Variants in IKZF1 observed in about 807,000 individuals in gnomAD.
IKZF1 encodes the protein DNA-binding protein Ikaros.
A neutral mutation model predicts 51.7 loss-of-function variants in IKZF1; 10 were observed. The ratio of observed to expected loss-of-function variants is 0.19; its 90% CI spans 0.12 to 0.33. The LOEUF is 0.33. IKZF1 is among the 10% of genes least tolerant of loss of function. The pLI is 1.00. For synonymous variants in IKZF1, 280 were observed against 282.3 expected, an observed-to-expected ratio of 0.99 and a Z score of 0.08; for missense variants, 484 against 707.5, an observed-to-expected ratio of 0.68 and a Z score of 3.58.
At chr7:50,338,953 T>G (rs908021066) in intron 3 of IKZF1, among the ~76,000 whole-genome samples, 2 of 152,226 alleles carry the variant, frequency 1.3e-5, no homozygotes, top group Non-Finnish European at 2.9e-5. Context: ...GAAAGCATGC[T>G]CCGGTGAGCA....
At chr7:50,386,740 T>TA (rs1237850202) in intron 5 of IKZF1, among the ~76,000 whole-genome samples, 3 of 152,166 alleles carry the variant, frequency 2.0e-5, no homozygotes, top group Admixed American at 2.0e-4. Context: ...TATTTTGTAT[T>TA]ATATAATGCA....
rs938738523 is a variant in IKZF1, at chr7:50,364,474, A to G, written c.161-12059A>G. On this transcript the variant is annotated intron_variant, in intron 3 of 7. Coordinates refer to ENST00000331340, the MANE Select transcript of IKZF1 (RefSeq NM_006060.6). ...AAAGTTTGACACCTGTTTTATCTGCATCCTTTTATTAAACAGTGGCCTGAA... is the reference window on the plus strand; with the variant it reads ...AAAGTTTGACACCTGTTTTATCTGCGTCCTTTTATTAAACAGTGGCCTGAA... 7.9e-5 allele frequency among the ~76,000 whole-genome samples: 12 copies of G among 152,246 alleles called. 1 individual carries two copies. In the East Asian group the frequency reaches 9.6e-4, roughly 12 times the overall value.
At chr7:50,316,976 GAT>G (rs1316703012) in intron 1 of IKZF1, among the ~76,000 whole-genome samples, 3 of 152,200 alleles carry the variant, frequency 2.0e-5, no homozygotes, top group Admixed American at 1.3e-4. Flanking sequence ...TAAATAAAAA[GAT>G]ATGTGTGGTA....
rs200931905 is a variant in IKZF1, at chr7:50,321,310, G to GA, written c.40+2216dup. On this transcript the variant is annotated intron_variant, in intron 2 of 7. Coordinates refer to ENST00000331340, the MANE Select transcript of IKZF1 (RefSeq NM_006060.6). The stretch of plus-strand genomic sequence containing the variant: ...CAAAAACAAAAAACGAGTTAAATGG[G>GA]AAAAAAAGCAGTTTAGCTCTTTATA... 4.1e-3 allele frequency among the ~76,000 whole-genome samples: 623 copies of GA among 152,290 alleles called. 6 individuals carry two copies. Among genetic ancestry groups the GA allele is most frequent in the African/African-American group, 0.014 (599 of 41,554 alleles).
chr7:50,387,049 G>A (rs1438640740), intron 5 of IKZF1, among the ~76,000 whole-genome samples: 1 of 152,122 alleles, frequency 6.6e-6, no homozygotes, highest in Non-Finnish European at 1.5e-5. Flanking sequence ...GCAGTGGCTC[G>A]TTTTCTCCAG....
intron 3 of IKZF1, among the ~76,000 whole-genome samples, chr7:50,335,447 G>GTA (rs1409522266): frequency 0.79 from 92,870 of 117,660 alleles, 38,432 homozygotes; most frequent in African/African-American, 0.95. Flanking sequence ...TGTGTGGTGT[G>GTA]TGTGTGGTGT....
In IKZF1 at chr7:50,340,830, T is replaced by G. The variant is rs906815238; in HGVS notation, c.160+13073T>G. Among the ~76,000 whole-genome samples, 695 of 152,382 alleles carry G rather than the reference T, an allele frequency of 4.6e-3. 14 individuals carry two copies. The highest frequency in any genetic ancestry group is 7.7e-3 in the East Asian group (40 of 5,190). On this transcript the variant is annotated intron_variant, in intron 3 of 7. Transcript: ENST00000331340. ...GTAATCCTTAGTGAAATTATTGTTC[T>G]GTAGAGAATGCTGTGATCTAAGTGA...
In IKZF1 at chr7:50,400,571, C is replaced by A; in HGVS notation, c.1504C>A (p.Arg502=). ...CATGTGCGGCTACCACAGCCAGGAC[C>A]GGTACGAGTTCTCGTCGCACATAAC... is the stretch of plus-strand genomic sequence containing the variant. ...CNMCGYHSQD[R]YEFSSHITRG... Residue 502 remains arginine, a synonymous_variant, in exon 8 of 8, where the codon CGG becomes AGG. Coordinates refer to ENST00000331340, the MANE Select transcript of IKZF1 (RefSeq NM_006060.6). This position sits in a 1 kb window ranked among gnomAD's most constrained non-coding sequence, Gnocchi z 5.4. 2 of 1,613,752 alleles carry A rather than the reference C, an allele frequency of 1.2e-6. No homozygotes were observed. Among genetic ancestry groups the A allele is most frequent in the Non-Finnish European group, 1.7e-6 (2 of 1,179,920 alleles).
intron 3 of IKZF1, among the ~76,000 whole-genome samples, chr7:50,357,300 C>T (rs1402477539): frequency 6.6e-6 from 1 of 152,092 alleles, no homozygotes. Context: ...GCCCTGCATC[C>T]TGGGCATGAC....
intron 7 of IKZF1, among the ~76,000 whole-genome samples, chr7:50,393,721 G>T (rs1815882920): frequency 6.6e-6 from 1 of 152,186 alleles, no homozygotes; most frequent in Admixed American, 6.5e-5. Flanking sequence ...TAAGCAGTGG[G>T]ATTCCCACAG....
chr7:50,333,684 C>G (rs1390920241), intron 3 of IKZF1, among the ~76,000 whole-genome samples: 2 of 152,174 alleles, frequency 1.3e-5, no homozygotes, highest in African/African-American at 4.8e-5. Context: ...TACTGGTTTT[C>G]AAGTTTTCTT....
intron 3 of IKZF1, chr7:50,329,076 A>G (rs1158972080): frequency 2.0e-5 from 3 of 150,802 alleles, no homozygotes; most frequent in African/African-American, 7.3e-5. Flanking sequence ...CCATCTCAAA[A>G]AAAAAAAAAA....
intron 3 of IKZF1, among the ~76,000 whole-genome samples, chr7:50,347,382 T>C (rs923405533): frequency 5.9e-5 from 9 of 152,184 alleles, no homozygotes; most frequent in Non-Finnish European, 8.8e-5. Flanking sequence ...CTGTCCTCCC[T>C]GTCTGCACAA....
chr7:50,333,241 A>G (rs900652046), intron 3 of IKZF1, among the ~76,000 whole-genome samples: 4 of 150,768 alleles, frequency 2.7e-5, no homozygotes, highest in African/African-American at 9.8e-5. Context: ...GGGAATTGTA[A>G]GAGGATTACC....
chr7:50,306,518 T>C (rs757513124), intron 1 of IKZF1, among the ~76,000 whole-genome samples: 1 of 152,100 alleles, frequency 6.6e-6, no homozygotes, highest in Non-Finnish European at 1.5e-5. Flanking sequence ...TGCAGAAACA[T>C]CATAGCAATA....
intron 3 of IKZF1, among the ~76,000 whole-genome samples, chr7:50,353,565 T>C (rs1802430363): frequency 6.6e-6 from 1 of 152,236 alleles, no homozygotes; most frequent in Non-Finnish European, 1.5e-5. Flanking sequence ...CCTCCAGTGA[T>C]GCAGGAGAGG....
intron 3 of IKZF1, among the ~76,000 whole-genome samples, chr7:50,360,954 A>T (rs568834170): frequency 6.6e-6 from 1 of 152,330 alleles, no homozygotes; most frequent in African/African-American, 2.4e-5. Context: ...GTTATTTTGT[A>T]GCATTTCCCT....
At chr7:50,388,088 A>G (rs1813952537) in intron 6 of IKZF1, among the ~76,000 whole-genome samples, 1 of 152,196 alleles carries the variant, frequency 6.6e-6, no homozygotes. Context: ...CACTTGATTC[A>G]GACCCCAGAG....
intron 7 of IKZF1, among the ~76,000 whole-genome samples, chr7:50,392,265 C>G (rs1327411026): frequency 6.6e-6 from 1 of 152,188 alleles, no homozygotes; most frequent in Non-Finnish European, 1.5e-5. Flanking sequence ...GCTCCTAATG[C>G]TCCCCTTATG....
Sources: allele counts gnomAD v4.1 joint callset (sites outside exome capture counted in the v4.1 genomes callset), GRCh38; gene constraint gnomAD v4.1.1; non-coding constraint Gnocchi (gnomAD v3.1); transcripts MANE v1.5; gene names NCBI Gene and HGNC (gene_info 2026-07-23, HGNC 2026-07-21).